The following SBK3 variants were observed in gnomAD, a reference collection of about 807,000 sequenced individuals.
SBK3 encodes uncharacterized serine/threonine-protein kinase SBK3.
A neutral mutation model predicts 12.7 loss-of-function variants in SBK3; 16 were observed. The observed-to-expected ratio is 1.26, with a 90% confidence interval of 0.86 to 1.92. SBK3 has a LOEUF of 1.92. Among genes scored for constraint, SBK3 ranks in the 40% most tolerant of loss-of-function variants. SBK3 has a pLI of 0.00. For synonymous variants in SBK3, 217 were observed against 213.6 expected, an observed-to-expected ratio of 1.02 and a Z score of -0.14; for missense variants, 462 against 481.8, an observed-to-expected ratio of 0.96 and a Z score of 0.38.
In SBK3 at chr19:55,542,527, C is replaced by A. The variant is rs998460332; in HGVS notation, c.400-1001G>T. ...CCAATCCTTCCTTCCATCCATCCAC[C>A]CATCCGCCCACCAATCCTTTCATCC... On this transcript the variant is annotated intron_variant, in intron 3 of 3. Transcript: ENST00000612221. Among the ~76,000 whole-genome samples, 24 of 148,854 alleles carry A rather than the reference C, an allele frequency of 1.6e-4. No individual in the cohort carries two copies. In the South Asian group the frequency reaches 2.9e-3, roughly 18 times the overall value.
chr19:55,544,440 G>A, intron 2 of SBK3, 138 bp from the exon 3 acceptor site: 1 of 725,150 alleles, frequency 1.4e-6, no homozygotes, highest in Non-Finnish European at 2.2e-6. Context: ...GTGTGGGTGG[G>A]AGGAGACCTT....
chr19:55,541,432 T>G lies in SBK3; in HGVS notation c.494A>C (p.Lys165Thr). ...GTCGAAGACCAGCACGTTGTCAGGT[T>G]TGACATCTGCGTGGACCAGCCCCCG... ...HSRGLVHADV[K>T]PDNVLVFDPV... Residue 165 changes from lysine (K) to threonine (T), a missense_variant, in exon 4 of 4, where the codon AAA becomes ACA. Coordinates refer to ENST00000612221, the MANE Select transcript of SBK3 (RefSeq NM_001199824.2). The surrounding 1 kb of genome is among the most constrained non-coding windows in gnomAD (Gnocchi z 5.3). 1.3e-6 allele frequency: 2 copies of G among 1,535,818 alleles called. No homozygotes were observed. The highest frequency in any genetic ancestry group is 1.7e-6 in the Non-Finnish European group (2 of 1,146,828).
At position 55,540,759 on chromosome 19, in the gene SBK3, G is replaced by C; in HGVS notation, c.*87C>G. ...ATGTGTTCCCTCTCTGTCCTCCCGGGTGCAGCTGTCTCTCCATCCAGGTGG... is the reference window on the plus strand; with the variant it reads ...ATGTGTTCCCTCTCTGTCCTCCCGGCTGCAGCTGTCTCTCCATCCAGGTGG... On this transcript the variant is annotated 3_prime_UTR_variant, in exon 4 of 4. Transcript: ENST00000612221. 9.1e-7 allele frequency: 1 copy of C among 1,101,632 alleles called. No individual in the cohort carries two copies. The highest frequency in any genetic ancestry group is 2.6e-5 in the East Asian group (1 of 38,912). The allele number at this position is 1,101,632 out of a possible 1,614,324, so 68.2% of individuals were successfully genotyped here.
rs1184810259 is a variant in SBK3 at position 55,541,546 on chromosome 19, A to AGG, written c.400-22_400-21dup. 5 of 1,484,824 alleles carry AGG rather than the reference A, an allele frequency of 3.4e-6. No individual in the cohort carries two copies. Among genetic ancestry groups the AGG allele is most frequent in the Non-Finnish European group, 4.5e-6 (5 of 1,116,212 alleles). 92.0% of individuals were successfully genotyped at this position (1,484,824 alleles called of 1,614,324 possible). A position where few individuals can be genotyped will look rare whatever the true frequency, so the allele number is the denominator to read the frequency against. On this transcript the variant is annotated intron_variant, in intron 3 of 3. Coordinates refer to ENST00000612221, the MANE Select transcript of SBK3 (RefSeq NM_001199824.2). This position sits in a 1 kb window ranked among gnomAD's most constrained non-coding sequence, Gnocchi z 5.3. Reference sequence around the variant, plus strand: ...GAGGCCCTGAGGTCAAGAAGACAGGAGGAGGGTCAGAGTGTCTTGGTTTTG... The same window carrying AGG: ...GAGGCCCTGAGGTCAAGAAGACAGGAGGGGAGGGTCAGAGTGTCTTGGTTTTG...
chr19:55,543,899 T>C (rs1988614998), intron 3 of SBK3, among the ~76,000 whole-genome samples: 1 of 151,734 alleles, frequency 6.6e-6, no homozygotes, highest in Non-Finnish European at 1.5e-5. Context: ...ACGATTGTGT[T>C]TGGGTGATTG....
chr19:55,540,868 C>G lies in SBK3; in HGVS notation c.1058G>C (p.Gly353Ala). 6.5e-7 allele frequency: 1 copy of G among 1,536,066 alleles called. No individual in the cohort carries two copies. The change falls in exon 4 of 4, where the codon GGG becomes GCG. Residue 353 changes from glycine to alanine, a missense_variant. Physicochemically the swap from Gly to Ala is moderately conservative, Grantham distance 60. Transcript: ENST00000612221. ...TGGTCAGGGAGCTCCCCCATCTGTC[C>G]CCGTCCTCCCACCACTTTTGCTGTC... ...GDDSKSGGRT[G>A]TDGGAP is the part of the protein sequence containing the mutation.
At chr19:55,544,995 C>T in intron 1 of SBK3, 46 bp from the exon 2 acceptor site, 9 of 1,459,884 alleles carry the variant, frequency 6.2e-6, no homozygotes, top group Non-Finnish European at 8.2e-6. Context: ...CTGGGGTCCA[C>T]TGAGAGTGGT....
intron 2 of SBK3, 71 bp downstream of exon 2, chr19:55,544,728 T>A: frequency 1.4e-6 from 2 of 1,397,462 alleles, no homozygotes; most frequent in Non-Finnish European, 1.9e-6. Flanking sequence ...GAATGCCCCC[T>A]GTCTGGGTGG....
In SBK3 at chr19:55,545,165, C is replaced by G. The variant is rs1222423071; in HGVS notation, c.46-216G>C. On this transcript the variant is annotated intron_variant, in intron 1 of 3. Transcript: ENST00000612221. This position sits in a 1 kb window ranked among gnomAD's most constrained non-coding sequence, Gnocchi z 4.4. Reference sequence around the variant, plus strand: ...AGGGGTCACTGCCACAGAGGCCCCGCCTGCCCCTGTCTGTGGGAGCAGGCC... The same window carrying G: ...AGGGGTCACTGCCACAGAGGCCCCGGCTGCCCCTGTCTGTGGGAGCAGGCC... 23 of 579,684 alleles carry G rather than the reference C, an allele frequency of 4.0e-5. No individual in the cohort carries two copies. Among genetic ancestry groups the G allele is most frequent in the Non-Finnish European group, 6.7e-5 (22 of 328,496 alleles). The allele number at this position is 579,684 out of a possible 1,614,324, so 35.9% of individuals were successfully genotyped here. A position where few individuals can be genotyped will look rare whatever the true frequency, so the allele number is the denominator to read the frequency against.
intron 3 of SBK3, 55 bp downstream of exon 3, chr19:55,544,045 G>T: frequency 7.2e-7 from 1 of 1,387,346 alleles, no homozygotes; most frequent in Non-Finnish European, 9.5e-7. Flanking sequence ...ACGGGGCTTG[G>T]GACAGAGTTG....
chr19:55,544,093 G>A lies in SBK3; in HGVS notation c.399+7C>T. The A allele has an allele frequency of 6.8e-7, 1 of 1,470,546 alleles. No individual in the cohort carries two copies. Among genetic ancestry groups the A allele is most frequent in the African/African-American group, 1.4e-5 (1 of 71,398 alleles). The allele number at this position is 1,470,546 out of a possible 1,614,324, so 91.1% of individuals were successfully genotyped here. A position where few individuals can be genotyped will look rare whatever the true frequency, so the allele number is the denominator to read the frequency against. On this transcript the variant is annotated splice_region_variant and intron_variant, in intron 3 of 3. Transcript: ENST00000612221. Reference sequence around the variant, plus strand: ...GCACTCCCAACCTTTGTCCCTCGTGGCCTCACCCTTTCCTGCAGCATCCCG... The same window carrying A: ...GCACTCCCAACCTTTGTCCCTCGTGACCTCACCCTTTCCTGCAGCATCCCG...
At chr19:55,543,304 T>TCATCCATCCATCCATC (rs58908017) in intron 3 of SBK3, among the ~76,000 whole-genome samples, 14 of 50,604 alleles carry the variant, frequency 2.8e-4, no homozygotes, top group African/African-American at 1.7e-3. Context: ...ACCAATCCTT[T>TCATCCATCCATCCATC]CATCCATCCA....
chr19:55,541,846 A>G lies in SBK3; in HGVS notation c.400-320T>C, dbSNP rs914723232. 4.6e-5 allele frequency among the ~76,000 whole-genome samples: 7 copies of G among 152,094 alleles called. No homozygotes were observed. Among genetic ancestry groups the G allele is most frequent in the Non-Finnish European group, 8.8e-5 (6 of 67,998 alleles). On this transcript the variant is annotated intron_variant, in intron 3 of 3. Coordinates refer to ENST00000612221, the MANE Select transcript of SBK3 (RefSeq NM_001199824.2). This position sits in a 1 kb window ranked among gnomAD's most constrained non-coding sequence, Gnocchi z 5.3. The stretch of plus-strand genomic sequence containing the variant: ...TCATCCTCAACCTCAACCTGCAGCC[A>G]TATCTGCACTCCTGTAGACCAACTC...
rs1428226066 is a variant in SBK3, at chr19:55,544,956, G to A, written c.46-7C>T. 2.0e-6 allele frequency: 3 copies of A among 1,526,134 alleles called. No homozygotes were observed. Among genetic ancestry groups the A allele is most frequent in the Non-Finnish European group, 8.8e-7 (1 of 1,142,516 alleles). The allele number at this position is 1,526,134 out of a possible 1,614,324, so 94.5% of individuals were successfully genotyped here. A position where few individuals can be genotyped will look rare whatever the true frequency, so the allele number is the denominator to read the frequency against. On this transcript the variant is annotated splice_region_variant and splice_polypyrimidine_tract_variant and intron_variant, in intron 1 of 3. Coordinates refer to ENST00000612221, the MANE Select transcript of SBK3 (RefSeq NM_001199824.2). ...GGGCTGTGGCTGTGTCCTCCTACGGGAGAGGGGCAGGGTGAGGAGGGGGCG... is the reference window on the plus strand; with the variant it reads ...GGGCTGTGGCTGTGTCCTCCTACGGAAGAGGGGCAGGGTGAGGAGGGGGCG...
rs34882755 is a variant in SBK3, at chr19:55,545,503, G to C, written c.41C>G (p.Pro14Arg). Residue 14 changes from proline to arginine, a missense_variant, in exon 1 of 4, where the codon CCA becomes CGA. By Grantham distance (103) the Pro-to-Arg change is moderately radical. Transcript: ENST00000612221. The surrounding 1 kb of genome is among the most constrained non-coding windows in gnomAD (Gnocchi z 4.4). Reference protein sequence around the residue: ...RASETPEDGDPEEDTATALQR... With the variant: ...RASETPEDGDREEDTATALQR... ...CCCCTGGCTCCCGTCTCTCACCTCT[G>C]GGTCCCCATCCTCAGGGGTCTCGGA... The C allele has an allele frequency of 0.02, 30,571 of 1,533,294 alleles. 339 individuals carry two copies. Among genetic ancestry groups the C allele is most frequent in the Non-Finnish European group, 0.023 (26,023 of 1,145,346 alleles). The allele number at this position is 1,533,294 out of a possible 1,614,324, so 95.0% of individuals were successfully genotyped here. A position where few individuals can be genotyped will look rare whatever the true frequency, so the allele number is the denominator to read the frequency against.
Position 55,541,657 on chromosome 19 carries a change from G to A in SBK3, c.400-131C>T. 6.0e-6 allele frequency: 4 copies of A among 671,914 alleles called. No homozygotes were observed. The highest frequency in any genetic ancestry group is 9.8e-6 in the Non-Finnish European group (4 of 409,960). 41.6% of individuals were successfully genotyped at this position (671,914 alleles called of 1,614,324 possible). On this transcript the variant is annotated intron_variant, in intron 3 of 3. Coordinates refer to ENST00000612221, the MANE Select transcript of SBK3 (RefSeq NM_001199824.2). The surrounding 1 kb of genome is among the most constrained non-coding windows in gnomAD (Gnocchi z 5.3). ...GGCCTCCCAAAGTGCTGGGATTATA[G>A]GCATGAGGCACTGCACCAGTTGGTT...
Position 55,540,938 on chromosome 19 carries a change from C to G in SBK3, c.988G>C (p.Glu330Gln). 1 of 1,536,202 alleles carries G rather than the reference C, an allele frequency of 6.5e-7. No homozygotes were observed. Among genetic ancestry groups the G allele is most frequent in the Non-Finnish European group, 8.7e-7 (1 of 1,146,896 alleles). The change falls in exon 4 of 4, where the codon GAG becomes CAG. Residue 330 changes from glutamate to glutamine, a missense_variant. By Grantham distance (29) the Glu-to-Gln change is conservative (BLOSUM62 2). Transcript: ENST00000612221. ...TCCTCCAGGCTTGAGCCTCCCTCCT[C>G]CCTGTCCTCATAGGACACGGCGCTC... ...LGSAVSYEDR[E>Q]EGGSSLEEWT...
At position 55,544,233 on chromosome 19, in the gene SBK3, C is replaced by T. The variant is rs897312335; in HGVS notation, c.266G>A (p.Cys89Tyr). The change falls in exon 3 of 4, where the codon TGT becomes TAT. Residue 89 changes from cysteine to tyrosine, a missense_variant. Coordinates refer to ENST00000612221, the MANE Select transcript of SBK3 (RefSeq NM_001199824.2). ...VLRSTFLREF[C>Y]VGRCVSAHPG... is the part of the protein sequence containing the mutation. Reference sequence around the variant, plus strand: ...GTGTGCAGAGACGCAGCGGCCCACACAGAACTCCCTCAGGAAGGTGCTTCT... The same window carrying T: ...GTGTGCAGAGACGCAGCGGCCCACATAGAACTCCCTCAGGAAGGTGCTTCT... 2 of 1,536,052 alleles carry T rather than the reference C, an allele frequency of 1.3e-6. No homozygotes were observed. The highest frequency in any genetic ancestry group is 1.7e-6 in the Non-Finnish European group (2 of 1,146,886).
chr19:55,545,091 A>T lies in SBK3; in HGVS notation c.46-142T>A. 1.5e-6 allele frequency: 1 copy of T among 660,322 alleles called. No homozygotes were observed. The highest frequency in any genetic ancestry group is 2.5e-6 in the Non-Finnish European group (1 of 397,922). 40.9% of individuals were successfully genotyped at this position (660,322 alleles called of 1,614,324 possible). A position where few individuals can be genotyped will look rare whatever the true frequency, so the allele number is the denominator to read the frequency against. On this transcript the variant is annotated intron_variant, in intron 1 of 3. Transcript: ENST00000612221. The surrounding 1 kb of genome is among the most constrained non-coding windows in gnomAD (Gnocchi z 4.4). ...GTCCCCAGAGAGGAGGATGAGTCAC[A>T]GTGACTCACCCGGACTCGGGCCACC...
Sources: allele counts gnomAD v4.1 joint callset (sites outside exome capture counted in the v4.1 genomes callset), GRCh38; gene constraint gnomAD v4.1.1; non-coding constraint Gnocchi (gnomAD v3.1); transcripts MANE v1.5; gene names NCBI Gene and HGNC (gene_info 2026-07-23, HGNC 2026-07-21).